EPHA6: variants seen among roughly 807,000 people sequenced by gnomAD.
EPHA6 encodes ephrin type-A receptor 6.
Under a neutral mutation model 112.0 loss-of-function variants are expected in EPHA6, and 50 were observed. The observed-to-expected ratio is 0.45, with a 90% CI of 0.36 to 0.56. The LOEUF is 0.56. Ranked by LOEUF, EPHA6 falls within the 20% of genes least tolerant of loss-of-function variation. The pLI is 0.00. For synonymous variants in EPHA6, 529 were observed against 490.7 expected (o/e 1.08, Z -1.03); for missense variants, 1,280 against 1,417.4 (o/e 0.90, Z 1.56).
chr3:96,884,768 G>A (rs2037525930), intron 2 of EPHA6, among the ~76,000 whole-genome samples: 1 of 152,146 alleles, frequency 6.6e-6, no homozygotes, highest in South Asian at 2.1e-4. Context: ...ATGTTGAAGA[G>A]GAGTGGTGAG....
chr3:97,182,421 T>A (rs2077015017), intron 3 of EPHA6, among the ~76,000 whole-genome samples: 1 of 151,472 alleles, frequency 6.6e-6, no homozygotes. Context: ...GCAACAGTAT[T>A]GAAAAATTTA....
chr3:97,274,121 T>A (rs989124958), intron 5 of EPHA6, among the ~76,000 whole-genome samples: 1 of 152,134 alleles, frequency 6.6e-6, no homozygotes, highest in African/African-American at 2.4e-5. Flanking sequence ...ATAACCTACA[T>A]GGAAGAGGTT....
At chr3:97,227,539 G>A (rs1222544060) in intron 4 of EPHA6, among the ~76,000 whole-genome samples, 1 of 152,166 alleles carries the variant, frequency 6.6e-6, no homozygotes, top group Non-Finnish European at 1.5e-5. Flanking sequence ...TTTTTATGAA[G>A]AGTTACAGCT....
chr3:97,425,769 G>C (rs1577356491), intron 6 of EPHA6, among the ~76,000 whole-genome samples: 1 of 152,216 alleles, frequency 6.6e-6, no homozygotes, highest in Middle Eastern at 3.4e-3. Context: ...TTTCCAAACT[G>C]TTATGCTCTG....
intron 11 of EPHA6, among the ~76,000 whole-genome samples, chr3:97,563,315 A>G (rs1285325660): frequency 2.6e-5 from 4 of 152,184 alleles, no homozygotes; most frequent in Admixed American, 6.6e-5. Context: ...TGTGGGAAGT[A>G]TACTCCATGT....
intron 11 of EPHA6, among the ~76,000 whole-genome samples, chr3:97,543,456 C>A (rs1255319667): frequency 6.6e-6 from 1 of 152,208 alleles, no homozygotes; most frequent in Non-Finnish European, 1.5e-5. Context: ...TGGTCTATAT[C>A]TCTGTTTTGG....
intron 13 of EPHA6, among the ~76,000 whole-genome samples, chr3:97,627,917 TC>T (rs1210113783): frequency 2.0e-5 from 3 of 151,890 alleles, no homozygotes; most frequent in Non-Finnish European, 2.9e-5. Flanking sequence ...TGTCAAAAGT[TC>T]CCCCAGTTGA....
intron 3 of EPHA6, among the ~76,000 whole-genome samples, chr3:97,089,761 G>A (rs1404602458): frequency 6.6e-6 from 1 of 152,068 alleles, no homozygotes; most frequent in African/African-American, 2.4e-5. Context: ...GTCTCTAGAA[G>A]TAGGAAGTGA....
chr3:97,414,210 A>G (rs1251811159), intron 6 of EPHA6, among the ~76,000 whole-genome samples: 1 of 152,082 alleles, frequency 6.6e-6, no homozygotes, highest in African/African-American at 2.4e-5. Context: ...GCCATTTCCC[A>G]ATAATTTTTT....
intron 1 of EPHA6, among the ~76,000 whole-genome samples, chr3:96,847,640 A>T (rs1021188228): frequency 6.6e-6 from 1 of 152,136 alleles, no homozygotes; most frequent in Non-Finnish European, 1.5e-5. Context: ...TAGGGTTGTA[A>T]TCTTTAAGAA....
At chr3:97,597,292 C>T (rs759479941) in intron 12 of EPHA6, among the ~76,000 whole-genome samples, 10 of 152,094 alleles carry the variant, frequency 6.6e-5, no homozygotes, top group African/African-American at 2.2e-4. Context: ...CTGAGCTTCT[C>T]TCCATTCTAT....
intron 12 of EPHA6, among the ~76,000 whole-genome samples, chr3:97,595,590 A>G (rs933624388): frequency 3.9e-5 from 6 of 152,024 alleles, no homozygotes; most frequent in African/African-American, 1.4e-4. Flanking sequence ...AGTTGCAGTG[A>G]GCCGAGATGG....
chr3:97,429,598 C>G (rs1406800513), intron 6 of EPHA6, among the ~76,000 whole-genome samples: 1 of 152,036 alleles, frequency 6.6e-6, no homozygotes, highest in Non-Finnish European at 1.5e-5. Flanking sequence ...AAAGATGTTT[C>G]TTTTCACCTA....
At chr3:97,508,347 AT>A (rs1577613509) in intron 10 of EPHA6, among the ~76,000 whole-genome samples, 1 of 152,146 alleles carries the variant, frequency 6.6e-6, no homozygotes, top group East Asian at 1.9e-4. Context: ...TGTACTAGAG[AT>A]TCTGGTACAT....
In EPHA6 at chr3:97,757,713, C is replaced by T; in HGVS notation, c.*9012C>T. Among the ~76,000 whole-genome samples the T allele has an allele frequency of 6.6e-6, 1 of 151,860 alleles. No individual in the cohort carries two copies. Among genetic ancestry groups the T allele is most frequent in the South Asian group, 2.1e-4 (1 of 4,820 alleles). On this transcript the variant is annotated 3_prime_UTR_variant, in exon 18 of 18. Transcript: ENST00000389672. ...ACACATACTCTTAAATGCTTAAAAACATAGTACTTACATATTAATTTTATG... is the reference window on the plus strand; with the variant it reads ...ACACATACTCTTAAATGCTTAAAAATATAGTACTTACATATTAATTTTATG...
chr3:96,931,508 C>G (rs1346241486), intron 2 of EPHA6, among the ~76,000 whole-genome samples: 2 of 152,154 alleles, frequency 1.3e-5, no homozygotes, highest in African/African-American at 4.8e-5. Context: ...CTGGGAGCCC[C>G]CATTTAGTGA....
intron 14 of EPHA6, among the ~76,000 whole-genome samples, chr3:97,711,486 G>T (rs1380928282): frequency 6.6e-6 from 1 of 152,040 alleles, no homozygotes; most frequent in African/African-American, 2.4e-5. Flanking sequence ...TACGCCATCT[G>T]CAAGCTGGAG....
At chr3:97,663,504 GC>G (rs1370573790) in intron 14 of EPHA6, among the ~76,000 whole-genome samples, 6 of 109,014 alleles carry the variant, frequency 5.5e-5, no homozygotes, top group African/African-American at 2.2e-4. Flanking sequence ...CCCACAACAG[GC>G]CCCGGTGTAT....
chr3:97,688,572 T>C (rs1186648099), intron 14 of EPHA6, among the ~76,000 whole-genome samples: 1 of 99,660 alleles, frequency 1.0e-5, no homozygotes, highest in Non-Finnish European at 1.8e-5. Context: ...CTGGGGCCTG[T>C]CATGGGGTGG....
Sources: allele counts gnomAD v4.1 joint callset (sites outside exome capture counted in the v4.1 genomes callset), GRCh38; gene constraint gnomAD v4.1.1; transcripts MANE v1.5; gene names NCBI Gene and HGNC (gene_info 2026-07-23, HGNC 2026-07-21).